AFDN: variants seen among roughly 807,000 people sequenced by gnomAD.
The protein encoded by AFDN is afadin.
A neutral mutation model predicts 216.6 loss-of-function variants in AFDN; 68 were observed. The observed-to-expected ratio is 0.31, with a 90% confidence interval of 0.26 to 0.38. AFDN has a LOEUF of 0.38. Among genes scored for constraint, AFDN ranks in the 10% least tolerant of loss-of-function variants. The probability of loss-of-function intolerance (pLI) is 1.00; values close to 1 mark genes in which losing one functional copy is unlikely to be tolerated. For synonymous variants in AFDN, 868 were observed against 853.7 expected, an observed-to-expected ratio of 1.02 and a Z score of -0.29; for missense variants, 2,136 against 2,342.0, an observed-to-expected ratio of 0.91 and a Z score of 1.82.
rs147374457 is a variant in AFDN, at chr6:167,970,759, G to A, written c.*824G>A. On this transcript the variant is annotated 3_prime_UTR_variant, in exon 34 of 34. Coordinates refer to ENST00000683244, the MANE Select transcript of AFDN (RefSeq NM_001386888.1). ...GTTCACTAATACTTCGCTCCAAGGC[G>A]TCTGTAAAAGAAGATATCTTTATTG... 23 of 218,256 alleles carry A rather than the reference G, an allele frequency of 1.1e-4. No individual in the cohort carries two copies. Among genetic ancestry groups the A allele is most frequent in the East Asian group, 4.7e-4 (7 of 14,798 alleles). The allele number at this position is 218,256 out of a possible 1,614,324, so 13.5% of individuals were successfully genotyped here. A position where few individuals can be genotyped will look rare whatever the true frequency, so the allele number is the denominator to read the frequency against.
At chr6:167,931,974 T>C (rs757439994) in intron 23 of AFDN, among the ~76,000 whole-genome samples, 23 of 152,178 alleles carry the variant, frequency 1.5e-4, no homozygotes, top group Non-Finnish European at 1.9e-4. Flanking sequence ...GCCTTTAATA[T>C]AGTAGTAATA....
chr6:167,919,434 G>T (rs1307481492), intron 21 of AFDN, among the ~76,000 whole-genome samples: 1 of 152,204 alleles, frequency 6.6e-6, no homozygotes, highest in Admixed American at 6.5e-5. Context: ...CAGTGAAATG[G>T]GCATGTTGAT....
At chr6:167,869,298 T>C (rs1004524984) in intron 2 of AFDN, among the ~76,000 whole-genome samples, 2 of 152,150 alleles carry the variant, frequency 1.3e-5, no homozygotes, top group African/African-American at 2.4e-5. Flanking sequence ...GTTACTGATA[T>C]TCAGGTTACA....
At chr6:167,909,954 A>G (rs1353577856) in intron 13 of AFDN, among the ~76,000 whole-genome samples, 3 of 152,174 alleles carry the variant, frequency 2.0e-5, no homozygotes, top group South Asian at 2.1e-4. Flanking sequence ...TCACTTGACT[A>G]TGTGTTTCGC....
chr6:167,943,825 C>T, intron 25 of AFDN, 116 bp from the exon 26 acceptor site: 1 of 913,074 alleles, frequency 1.1e-6, no homozygotes, highest in Non-Finnish European at 1.7e-6. Context: ...AACCATTACT[C>T]AAAATAATAG....
intron 31 of AFDN, chr6:167,963,602 G>A: frequency 9.4e-7 from 1 of 1,058,294 alleles, no homozygotes. Context: ...GGAGTAGAGT[G>A]AATAATGTAA....
chr6:167,831,028 A>G (rs909553743), intron 1 of AFDN, among the ~76,000 whole-genome samples: 11 of 130,252 alleles, frequency 8.4e-5, no homozygotes, highest in African/African-American at 2.7e-4. Flanking sequence ...TACAACCTCT[A>G]CCTTCCAGGT....
intron 1 of AFDN, among the ~76,000 whole-genome samples, chr6:167,834,151 A>C (rs1186203000): frequency 1.3e-5 from 2 of 152,094 alleles, no homozygotes; most frequent in African/African-American, 4.8e-5. Context: ...GTATATGGTT[A>C]CTTGAGTAAG....
intron 30 of AFDN, among the ~76,000 whole-genome samples, chr6:167,958,185 A>G (rs751115569): frequency 6.6e-6 from 1 of 152,222 alleles, no homozygotes; most frequent in Non-Finnish European, 1.5e-5. Flanking sequence ...CCTTTAGGCT[A>G]TATATATAGT....
At chr6:167,907,802 G>A (rs923386931) in intron 13 of AFDN, among the ~76,000 whole-genome samples, 12 of 149,772 alleles carry the variant, frequency 8.0e-5, no homozygotes, top group African/African-American at 2.9e-4. Context: ...TTCTGACATT[G>A]TTCTTGCCGA....
intron 5 of AFDN, among the ~76,000 whole-genome samples, chr6:167,877,039 G>A (rs970417933): frequency 2.0e-5 from 3 of 152,192 alleles, no homozygotes; most frequent in African/African-American, 7.2e-5. Flanking sequence ...CCCATTAAAA[G>A]TATTGCTTTG....
chr6:167,828,552 G>A (rs1329749057), intron 1 of AFDN, among the ~76,000 whole-genome samples: 1 of 152,204 alleles, frequency 6.6e-6, no homozygotes, highest in Non-Finnish European at 1.5e-5. Context: ...TTCATCTTCT[G>A]TAATGATTTT....
chr6:167,875,533 A>G, intron 5 of AFDN, 38 bp downstream of exon 5: 1 of 1,603,618 alleles, frequency 6.2e-7, no homozygotes, highest in East Asian at 2.2e-5. Flanking sequence ...TACCTGTTAC[A>G]AAGAGCATTG....
At position 167,947,676 on chromosome 6, in the gene AFDN, A is replaced by G. The variant is rs1795478638; in HGVS notation, c.3554-177A>G. Among the ~76,000 whole-genome samples, 3 of 151,934 alleles carry G rather than the reference A, an allele frequency of 2.0e-5. No homozygotes were observed. In the South Asian group the frequency reaches 6.2e-4, roughly 31 times the overall value. On this transcript the variant is annotated intron_variant, in intron 27 of 33. Transcript: ENST00000683244. Reference sequence around the variant, plus strand: ...GCTCTGGGCTCTGATTATTTAAAAGATGGATGTGGATATGACAAGACCTGA... The same window carrying G: ...GCTCTGGGCTCTGATTATTTAAAAGGTGGATGTGGATATGACAAGACCTGA...
chr6:167,888,954 TA>T lies in AFDN; in HGVS notation c.898-249del, dbSNP rs780867435. Among the ~76,000 whole-genome samples the T allele has an allele frequency of 1.9e-3, 286 of 146,672 alleles. 1 individual carries two copies. Among genetic ancestry groups the T allele is most frequent in the Middle Eastern group, 3.5e-3 (1 of 284 alleles). On this transcript the variant is annotated intron_variant, in intron 6 of 33. Transcript: ENST00000683244. ...TACTGCCTTTCCATATAAAAAGTTG[TA>T]AAAAAAAAAAATATTTAGTCTACCT...
intron 1 of AFDN, among the ~76,000 whole-genome samples, chr6:167,836,149 G>A (rs1435633092): frequency 6.6e-6 from 1 of 152,188 alleles, no homozygotes; most frequent in Non-Finnish European, 1.5e-5. Context: ...TGACCATCAA[G>A]TTTTATTACT....
chr6:167,960,208 C>G (rs974871606), intron 30 of AFDN, among the ~76,000 whole-genome samples: 1 of 152,130 alleles, frequency 6.6e-6, no homozygotes, highest in East Asian at 1.9e-4. Context: ...GATGGAAATA[C>G]GTGAGTTAGC....
chr6:167,968,570 T>G (rs189934636), intron 32 of AFDN: 6 of 155,738 alleles, frequency 3.9e-5, no homozygotes, highest in Admixed American at 3.7e-4. Context: ...CAGCCTGTAT[T>G]ACACTGTCAG....
chr6:167,887,572 C>T (rs1008867318), intron 6 of AFDN, among the ~76,000 whole-genome samples: 4 of 151,970 alleles, frequency 2.6e-5, no homozygotes, highest in Admixed American at 2.6e-4. Flanking sequence ...TCTCCTGCCT[C>T]AGCCTCCCGA....
Sources: allele counts gnomAD v4.1 joint callset (sites outside exome capture counted in the v4.1 genomes callset), GRCh38; gene constraint gnomAD v4.1.1; transcripts MANE v1.5; gene names NCBI Gene and HGNC (gene_info 2026-07-23, HGNC 2026-07-21).